The following COG5 variants were observed in gnomAD, a reference collection of about 807,000 sequenced individuals.
COG5 encodes the protein conserved oligomeric Golgi complex subunit 5.
In COG5, 86 loss-of-function variants were observed where a neutral mutation model predicts 110.4. The observed-to-expected ratio is 0.78, with a 90% confidence interval of 0.65 to 0.93. The LOEUF is 0.93. Ranked by LOEUF, COG5 falls within the 40% of genes least tolerant of loss-of-function variation. The pLI is 0.00. For missense variants in COG5, 1,077 were observed against 987.0 expected, an observed-to-expected ratio of 1.09 and a Z score of -1.22; for synonymous variants, 360 against 334.6, an observed-to-expected ratio of 1.08 and a Z score of -0.83.
At chr7:107,271,917 TA>T (rs1296805604) in intron 14 of COG5, among the ~76,000 whole-genome samples, 2 of 152,178 alleles carry the variant, frequency 1.3e-5, no homozygotes, top group Admixed American at 1.3e-4. Context: ...CAAATGCCAA[TA>T]GATTTGTTCT....
At chr7:107,258,154 A>G (rs931092294) in intron 15 of COG5, 119 bp downstream of exon 15, 12 of 672,462 alleles carry the variant, frequency 1.8e-5, no homozygotes, top group Non-Finnish European at 2.6e-5. Context: ...TTTATTTTAT[A>G]ATCATCACAT....
intron 6 of COG5, among the ~76,000 whole-genome samples, chr7:107,442,645 A>G (rs1334331500): frequency 2.1e-5 from 1 of 47,018 alleles, no homozygotes; most frequent in Non-Finnish European, 4.3e-5. Context: ...ATTTCACCTA[A>G]AAAAAAAAAA....
In COG5 at chr7:107,248,513, AG is replaced by A; in HGVS notation, c.1750-15del. ...AGCATGAATAGCCTAAAAAAAAAAA[AG>A]AAAGAAAAAAAAGAAGAGGCAAGAT... On this transcript the variant is annotated splice_polypyrimidine_tract_variant and intron_variant, in intron 16 of 21. Transcript: ENST00000297135. 1 of 1,526,772 alleles carries A rather than the reference AG, an allele frequency of 6.5e-7. No individual in the cohort carries two copies. Among genetic ancestry groups the A allele is most frequent in the Non-Finnish European group, 9.0e-7 (1 of 1,108,912 alleles). 94.6% of individuals were successfully genotyped at this position (1,526,772 alleles called of 1,614,324 possible).
intron 10 of COG5, among the ~76,000 whole-genome samples, chr7:107,326,804 G>A (rs138523963): frequency 6.6e-6 from 1 of 152,102 alleles, no homozygotes; most frequent in Non-Finnish European, 1.5e-5. Context: ...AATCTCCAGG[G>A]ATCCCAAATA....
At chr7:107,501,719 C>A (rs1248766501) in intron 6 of COG5, among the ~76,000 whole-genome samples, 1 of 152,134 alleles carries the variant, frequency 6.6e-6, no homozygotes, top group Non-Finnish European at 1.5e-5. Context: ...ATCTCTACCA[C>A]ATACAAACAC....
At chr7:107,525,617 A>C (rs911169426) in intron 6 of COG5, among the ~76,000 whole-genome samples, 1 of 152,096 alleles carries the variant, frequency 6.6e-6, no homozygotes. Flanking sequence ...CAGTGGTGCA[A>C]TAACAGCTCA....
intron 6 of COG5, among the ~76,000 whole-genome samples, chr7:107,439,249 A>G (rs1266302293): frequency 6.6e-6 from 1 of 151,844 alleles, no homozygotes; most frequent in Non-Finnish European, 1.5e-5. Context: ...ATCAGATATA[A>G]CTATGATGCA....
chr7:107,453,872 T>C (rs1005983406), intron 6 of COG5, among the ~76,000 whole-genome samples: 2 of 152,138 alleles, frequency 1.3e-5, no homozygotes, highest in Non-Finnish European at 2.9e-5. Context: ...AAATATTAAA[T>C]TATTGTATTA....
intron 12 of COG5, among the ~76,000 whole-genome samples, chr7:107,297,826 GTAAT>G: frequency 6.6e-6 from 1 of 152,144 alleles, no homozygotes; most frequent in East Asian, 1.9e-4. Flanking sequence ...ACTGTCTGAG[GTAAT>G]TACAGGTATA....
chr7:107,368,618 T>C (rs1453854908), intron 8 of COG5, among the ~76,000 whole-genome samples: 1 of 152,204 alleles, frequency 6.6e-6, no homozygotes, highest in Non-Finnish European at 1.5e-5. Context: ...TAAAATTCCA[T>C]TTATGCCTCT....
At chr7:107,562,912 C>G (rs1803996389) in intron 1 of COG5, among the ~76,000 whole-genome samples, 1 of 152,164 alleles carries the variant, frequency 6.6e-6, no homozygotes, top group South Asian at 2.1e-4. Flanking sequence ...ATGCAAGATA[C>G]TGCTATTCAC....
chr7:107,557,990 C>T lies in COG5; in HGVS notation c.220G>A (p.Glu74Lys). 1 of 1,614,032 alleles carries T rather than the reference C, an allele frequency of 6.2e-7. No homozygotes were observed. Among genetic ancestry groups the T allele is most frequent in the African/African-American group, 1.3e-5 (1 of 75,038 alleles). Residue 74 changes from glutamate to lysine, a missense_variant, in exon 2 of 22, where the codon GAA becomes AAA. Glu to Lys is a moderately conservative substitution (Grantham distance 56). Transcript: ENST00000297135. ...ATCAGAATTACCTGTAAGTGTAGTT[C>T]TCTGTCCAACTGACTGATTCCTTGG... ...LAQGISQLDR[E>K]LHLQVVARHE...
At chr7:107,298,113 A>G (rs1252255788) in intron 12 of COG5, 29 bp downstream of exon 12, 1 of 1,185,182 alleles carries the variant, frequency 8.4e-7, no homozygotes, top group South Asian at 2.1e-5. Flanking sequence ...TTAAGATGCC[A>G]ACTAACAGGT....
chr7:107,548,305 A>G lies in COG5; in HGVS notation c.320T>C (p.Ile107Thr), dbSNP rs141321873. 5.4e-5 allele frequency: 87 copies of G among 1,613,794 alleles called. No homozygotes were observed. The highest frequency in any genetic ancestry group is 7.0e-5 in the Non-Finnish European group (82 of 1,179,818). ...ATCAACAGCTCCCTGTAAAGCCCCAATTCTCGTCTGCATCATCTGAAGAAC... is the reference window on the plus strand; with the variant it reads ...ATCAACAGCTCCCTGTAAAGCCCCAGTTCTCGTCTGCATCATCTGAAGAAC... The part of the protein sequence containing the change: ...EGVLQMMQTR[I>T]GALQGAVDRI... Residue 107 changes from isoleucine (I) to threonine (T), a missense_variant, in exon 4 of 22, where the codon ATT (isoleucine) becomes ACT (threonine). Transcript: ENST00000297135.
rs1802674718 is a variant in COG5, at chr7:107,548,966, T to A, written c.293-634A>T. On this transcript the variant is annotated intron_variant, in intron 3 of 21. Transcript: ENST00000297135. ...ATTCAGTTTCTATATCCAACTGGCATAGTTGTTTTGAAAGCATAGTATTCT... is the reference window on the plus strand; with the variant it reads ...ATTCAGTTTCTATATCCAACTGGCAAAGTTGTTTTGAAAGCATAGTATTCT... Among the ~76,000 whole-genome samples, 3 of 152,224 alleles carry A rather than the reference T, an allele frequency of 2.0e-5. No individual in the cohort carries two copies. In the South Asian group the frequency reaches 6.2e-4, roughly 32 times the overall value.
chr7:107,229,357 G>A (rs1271830797), intron 19 of COG5, among the ~76,000 whole-genome samples: 1 of 152,174 alleles, frequency 6.6e-6, no homozygotes, highest in Non-Finnish European at 1.5e-5. Context: ...GCAGAGACAG[G>A]AGAATCGCTT....
At chr7:107,337,215 G>A (rs1584695424) in intron 10 of COG5, among the ~76,000 whole-genome samples, 1 of 152,142 alleles carries the variant, frequency 6.6e-6, no homozygotes, top group African/African-American at 2.4e-5. Context: ...GTAAATTAGT[G>A]TAGCCACTAT....
intron 6 of COG5, among the ~76,000 whole-genome samples, chr7:107,433,904 C>A (rs1794190372): frequency 6.6e-6 from 1 of 151,970 alleles, no homozygotes; most frequent in Non-Finnish European, 1.5e-5. Context: ...AAAATATTTG[C>A]AAATAATATT....
At chr7:107,522,329 G>A (rs561675389) in intron 6 of COG5, among the ~76,000 whole-genome samples, 12 of 152,294 alleles carry the variant, frequency 7.9e-5, no homozygotes, top group East Asian at 5.8e-4. Context: ...TTAGCCAGGC[G>A]TGGTGGTGAA....
Sources: allele counts gnomAD v4.1 joint callset (sites outside exome capture counted in the v4.1 genomes callset), GRCh38; gene constraint gnomAD v4.1.1; transcripts MANE v1.5; gene names NCBI Gene and HGNC (gene_info 2026-07-23, HGNC 2026-07-21).